Variants in TACC2 observed in about 807,000 individuals in gnomAD.
TACC2 encodes the protein transforming acidic coiled-coil-containing protein 2.
A neutral mutation model predicts 227.3 loss-of-function variants in TACC2; 137 were observed. The observed-to-expected ratio is 0.60, with a 90% CI of 0.52 to 0.69. The LOEUF (loss-of-function observed/expected upper bound fraction) is 0.69, where lower values mean the gene tolerates loss of function less well. Among genes scored for constraint, TACC2 ranks in the 30% least tolerant of loss-of-function variants. The probability of loss-of-function intolerance (pLI) is 0.00; values close to 1 mark genes in which losing one functional copy is unlikely to be tolerated. For missense variants in TACC2, 3,470 were observed against 3,694.4 expected, an observed-to-expected ratio of 0.94 and a Z score of 1.57; for synonymous variants, 1,523 against 1,487.5, an observed-to-expected ratio of 1.02 and a Z score of -0.55.
At chr10:122,218,232 C>T (rs574628600) in intron 11 of TACC2, among the ~76,000 whole-genome samples, 16 of 152,160 alleles carry the variant, frequency 1.1e-4, no homozygotes, top group Admixed American at 5.9e-4. Flanking sequence ...TGTGAGCCAC[C>T]GCGCCTGACC....
intron 1 of TACC2, among the ~76,000 whole-genome samples, chr10:122,011,420 C>T (rs1236495729): frequency 6.6e-6 from 1 of 152,298 alleles, no homozygotes. Context: ...ACCTCCACTT[C>T]CCGGGTTCAA....
rs908580173 is a variant in TACC2 at position 122,086,492 on chromosome 10, G to A, written c.3992G>A (p.Arg1331Gln). The change falls in exon 4 of 23, where the codon CGG becomes CAG. Residue 1331 changes from arginine to glutamine, a missense_variant. By Grantham distance (43) the Arg-to-Gln change is conservative. Coordinates refer to ENST00000369005, the MANE Select transcript of TACC2 (RefSeq NM_206862.4). ...GPVDSMPCLD[R>Q]MPLLAKGKQA... ...GTGGACTCCATGCCATGCCTGGACCGGATGCCACTTCTGGCCAAGGGCAAG... is the reference window on the plus strand; with the variant it reads ...GTGGACTCCATGCCATGCCTGGACCAGATGCCACTTCTGGCCAAGGGCAAG... 1.6e-5 allele frequency: 26 copies of A among 1,613,556 alleles called. No homozygotes were observed. The highest frequency in any genetic ancestry group is 1.0e-4 in the Admixed American group (6 of 59,998).
chr10:122,027,401 T>C (rs1958173119), intron 2 of TACC2, among the ~76,000 whole-genome samples: 1 of 152,236 alleles, frequency 6.6e-6, no homozygotes, highest in Non-Finnish European at 1.5e-5. Context: ...GCTTGTCTTC[T>C]TATTCTCTTG....
Position 122,086,188 on chromosome 10 carries a change from G to A in TACC2, c.3688G>A (p.Val1230Met), listed in dbSNP as rs1289090553. Residue 1230 changes from valine (V) to methionine (M), a missense_variant, in exon 4 of 23, where the codon GTG (valine) becomes ATG (methionine). By Grantham distance (21) the Val-to-Met change is conservative. This residue lies in a region of TACC2 where 1,924 missense variants were observed against 1,978.3 expected (regional missense o/e 0.97). Transcript: ENST00000369005. ...KELLLSGPPEVAAPDTPYLHV... is the reference protein window; with the variant it reads ...KELLLSGPPEMAAPDTPYLHV... ...GCTCCTGCTGTCTGGGCCACCAGAA[G>A]TGGCTGCTCCTGACACCCCTTACCT... The A allele has an allele frequency of 1.9e-6, 3 of 1,613,574 alleles. No homozygotes were observed. Among genetic ancestry groups the A allele is most frequent in the African/African-American group, 2.7e-5 (2 of 74,946 alleles).
chr10:122,234,009 C>T (rs542574350), intron 16 of TACC2, among the ~76,000 whole-genome samples: 5 of 152,246 alleles, frequency 3.3e-5, no homozygotes, highest in East Asian at 1.9e-4. Flanking sequence ...GTCCATGCAC[C>T]GTGGCCTTGG....
chr10:121,991,373 G>C (rs765038097), intron 1 of TACC2, among the ~76,000 whole-genome samples: 1 of 152,168 alleles, frequency 6.6e-6, no homozygotes, highest in African/African-American at 2.4e-5. Flanking sequence ...TCTTTGCGCT[G>C]TCCGCCACAT....
chr10:122,099,777 G>A (rs1437013694), intron 5 of TACC2, among the ~76,000 whole-genome samples: 1 of 152,186 alleles, frequency 6.6e-6, no homozygotes, highest in Admixed American at 6.5e-5. Flanking sequence ...GAGATAAAAC[G>A]ACTTAATGAT....
chr10:122,176,117 C>CTCTCTCTCTCTCTCTCTATA (rs1447382017), intron 7 of TACC2, among the ~76,000 whole-genome samples: 1 of 54,644 alleles, frequency 1.8e-5, no homozygotes, highest in Non-Finnish European at 3.5e-5. Context: ...CTCTCTCTCT[C>CTCTCTCTCTCTCTCTCTATA]TATATATATA....
rs759136137 is a variant in TACC2, at chr10:122,021,940, C to T, written c.-42C>T. The T allele has an allele frequency of 9.3e-6, 15 of 1,609,310 alleles. No individual in the cohort carries two copies. The highest frequency in any genetic ancestry group is 2.7e-5 in the African/African-American group (2 of 74,770). The stretch of plus-strand genomic sequence containing the variant: ...TATACCCTTTTGTTTCTTCCAGTCA[C>T]CTCTGACAAAATTCTGGGGACGCTG... On this transcript the variant is annotated 5_prime_UTR_variant, in exon 2 of 23. Coordinates refer to ENST00000369005, the MANE Select transcript of TACC2 (RefSeq NM_206862.4).
intron 3 of TACC2, among the ~76,000 whole-genome samples, chr10:122,076,987 G>A (rs1004042106): frequency 2.0e-5 from 3 of 151,866 alleles, no homozygotes; most frequent in Non-Finnish European, 2.9e-5. Context: ...TGGTGGCAAA[G>A]GCCTGTAATC....
intron 6 of TACC2, among the ~76,000 whole-genome samples, chr10:122,142,986 T>C (rs1445630092): frequency 1.3e-5 from 2 of 152,178 alleles, no homozygotes; most frequent in African/African-American, 4.8e-5. Flanking sequence ...TGTGGTTCCC[T>C]GGCTGTCCAG....
chr10:122,248,541 C>T, intron 19 of TACC2, 102 bp from the exon 20 acceptor site: 2 of 1,369,282 alleles, frequency 1.5e-6, no homozygotes, highest in Non-Finnish European at 2.0e-6. Flanking sequence ...TTGAGATGCC[C>T]CCACTGGTGA....
intron 6 of TACC2, among the ~76,000 whole-genome samples, chr10:122,135,956 A>T (rs1241063292): frequency 1.3e-5 from 2 of 152,258 alleles, no homozygotes; most frequent in Non-Finnish European, 2.9e-5. Context: ...AAGTGCAACA[A>T]CAGGCCTCGG....
chr10:121,999,804 A>C (rs1444660706), intron 1 of TACC2, among the ~76,000 whole-genome samples: 1 of 152,228 alleles, frequency 6.6e-6, no homozygotes, highest in African/African-American at 2.4e-5. Flanking sequence ...CGACAGAGGA[A>C]AAACAATGCC....
chr10:122,250,944 G>T, intron 22 of TACC2, among the ~76,000 whole-genome samples: 1 of 132,262 alleles, frequency 7.6e-6, no homozygotes, highest in Non-Finnish European at 1.6e-5. Context: ...TTTTGAGGCA[G>T]GGTCTTATTC....
At chr10:122,197,963 A>G (rs764677118) in intron 8 of TACC2, among the ~76,000 whole-genome samples, 1 of 152,262 alleles carries the variant, frequency 6.6e-6, no homozygotes, top group Non-Finnish European at 1.5e-5. Context: ...TCTCTCAACC[A>G]TAGGAAAGAA....
At chr10:122,160,121 A>C (rs1461455128) in intron 7 of TACC2, among the ~76,000 whole-genome samples, 7 of 152,242 alleles carry the variant, frequency 4.6e-5, no homozygotes, top group Admixed American at 4.6e-4. Context: ...GTTTCCACTT[A>C]TAGGCCAGGC....
intron 5 of TACC2, chr10:122,113,183 A>G (rs971266359): frequency 6.6e-6 from 1 of 151,532 alleles, no homozygotes; most frequent in Non-Finnish European, 1.5e-5. Context: ...GGCAGTTGCG[A>G]CTCCGAACGA....
At chr10:122,214,664 C>G (rs1412867024) in intron 9 of TACC2, among the ~76,000 whole-genome samples, 1 of 152,224 alleles carries the variant, frequency 6.6e-6, no homozygotes. Context: ...CTCCTGGGAT[C>G]TGCTTCCTTG....
Sources: allele counts gnomAD v4.1 joint callset (sites outside exome capture counted in the v4.1 genomes callset), GRCh38; gene constraint gnomAD v4.1.1; regional missense constraint gnomAD v4.1.1; transcripts MANE v1.5; gene names NCBI Gene and HGNC (gene_info 2026-07-23, HGNC 2026-07-21).